CNTN4: variants seen among roughly 807,000 people sequenced by gnomAD.
CNTN4 encodes contactin-4.
In CNTN4, 77 loss-of-function variants were observed where a neutral mutation model predicts 122.5. That is an observed-to-expected ratio of 0.63 (90% confidence interval 0.52 to 0.76). The LOEUF (loss-of-function observed/expected upper bound fraction) is 0.76, where lower values mean the gene tolerates loss of function less well. Among genes scored for constraint, CNTN4 ranks in the 30% least tolerant of loss-of-function variants. The pLI, the probability that CNTN4 is intolerant of heterozygous loss-of-function variation, is 0.00. For synonymous variants in CNTN4, 512 were observed against 447.0 expected (o/e 1.15, Z -1.83); for missense variants, 1,256 against 1,259.1 (o/e 1.00, Z 0.04).
At chr3:2,620,580 A>T (rs976558429) in intron 4 of CNTN4, among the ~76,000 whole-genome samples, 2 of 152,172 alleles carry the variant, frequency 1.3e-5, no homozygotes, top group African/African-American at 2.4e-5. Flanking sequence ...TATTAGCCTC[A>T]TACCTTCATT....
At chr3:2,348,420 A>G (rs551134121) in intron 3 of CNTN4, among the ~76,000 whole-genome samples, 1 of 152,196 alleles carries the variant, frequency 6.6e-6, no homozygotes, top group African/African-American at 2.4e-5. Context: ...TTGGAAGACT[A>G]TGTCTCCTGT....
chr3:2,921,960 C>T (rs1251292353), intron 12 of CNTN4, among the ~76,000 whole-genome samples: 1 of 152,112 alleles, frequency 6.6e-6, no homozygotes, highest in Non-Finnish European at 1.5e-5. Flanking sequence ...CATAGATAAT[C>T]TAATAAAGAT....
intron 2 of CNTN4, among the ~76,000 whole-genome samples, chr3:2,135,145 A>T (rs1374997417): frequency 2.0e-5 from 3 of 152,270 alleles, no homozygotes; most frequent in East Asian, 1.9e-4. Context: ...ATTGAAAAGG[A>T]TGTGGCAGGG....
At chr3:2,300,587 T>G (rs2150066088) in intron 2 of CNTN4, among the ~76,000 whole-genome samples, 1 of 144,720 alleles carries the variant, frequency 6.9e-6, no homozygotes, top group South Asian at 2.2e-4. Context: ...TTTTTTTTTT[T>G]TTTGAGATGG....
At chr3:2,204,051 A>G (rs1333225312) in intron 2 of CNTN4, among the ~76,000 whole-genome samples, 2 of 152,182 alleles carry the variant, frequency 1.3e-5, no homozygotes, top group Non-Finnish European at 2.9e-5. Flanking sequence ...GTCATAAACA[A>G]TTGTAACATT....
chr3:2,751,068 G>T (rs1022944357), intron 6 of CNTN4, among the ~76,000 whole-genome samples: 1 of 152,104 alleles, frequency 6.6e-6, no homozygotes, highest in African/African-American at 2.4e-5. Context: ...TTGGGAGGCC[G>T]AGGCGAGTGG....
Position 2,909,559 on chromosome 3 carries a change from G to A in CNTN4, c.1207+6554G>A, listed in dbSNP as rs528343004. Among the ~76,000 whole-genome samples, 3 of 152,026 alleles carry A rather than the reference G, an allele frequency of 2.0e-5. No individual in the cohort carries two copies. The East Asian group carries it at 5.8e-4, about 29-fold the overall frequency. On this transcript the variant is annotated intron_variant, in intron 12 of 24. Coordinates refer to ENST00000418658, the MANE Select transcript of CNTN4 (RefSeq NM_175607.3). Reference sequence around the variant, plus strand: ...TGGGGAACTCTTTACTATCCTGATGGCATACCATACTCGTTATCAACTAAT... The same window carrying A: ...TGGGGAACTCTTTACTATCCTGATGACATACCATACTCGTTATCAACTAAT...
At chr3:2,396,644 T>C (rs1575545254) in intron 3 of CNTN4, among the ~76,000 whole-genome samples, 1 of 150,094 alleles carries the variant, frequency 6.7e-6, no homozygotes, top group Admixed American at 6.7e-5. Flanking sequence ...AAAACTCAAG[T>C]GTTATGTCTG....
chr3:3,050,150 G>A (rs932580075), intron 23 of CNTN4, among the ~76,000 whole-genome samples: 1 of 152,144 alleles, frequency 6.6e-6, no homozygotes, highest in African/African-American at 2.4e-5. Context: ...CAGTTAAAAT[G>A]GCGAATTTCA....
chr3:2,290,749 G>C (rs1440581771), intron 2 of CNTN4, among the ~76,000 whole-genome samples: 2 of 152,186 alleles, frequency 1.3e-5, no homozygotes, highest in Admixed American at 1.3e-4. Flanking sequence ...AGATCATTGA[G>C]TATATACTGC....
intron 3 of CNTN4, among the ~76,000 whole-genome samples, chr3:2,384,593 G>T (rs147166764): frequency 7.6e-4 from 115 of 152,242 alleles, no homozygotes; most frequent in African/African-American, 2.6e-3. Context: ...AATTGCAAAT[G>T]CCCAGCTAAA....
intron 12 of CNTN4, among the ~76,000 whole-genome samples, chr3:2,903,426 G>T (rs1252154309): frequency 1.3e-5 from 2 of 152,190 alleles, no homozygotes; most frequent in Non-Finnish European, 2.9e-5. Flanking sequence ...TTTCCAGACT[G>T]TGCATTAATG....
At chr3:2,748,758 G>C (rs996361990) in intron 6 of CNTN4, among the ~76,000 whole-genome samples, 1 of 152,128 alleles carries the variant, frequency 6.6e-6, no homozygotes, top group African/African-American at 2.4e-5. Context: ...ATCGTCTTGA[G>C]CCTTTCCTTA....
chr3:3,043,200 C>A (rs768149903), intron 22 of CNTN4, 37 bp downstream of exon 22: 1 of 1,589,340 alleles, frequency 6.3e-7, no homozygotes, highest in East Asian at 2.2e-5. Context: ...TTTGGGGATT[C>A]ATCACACATA....
chr3:2,753,021 T>C (rs1174028496), intron 6 of CNTN4, among the ~76,000 whole-genome samples: 2 of 152,190 alleles, frequency 1.3e-5, no homozygotes, highest in African/African-American at 4.8e-5. Context: ...CATTCATCCA[T>C]TGATGGGCAC....
At chr3:2,909,821 G>T (rs2094279979) in intron 12 of CNTN4, among the ~76,000 whole-genome samples, 1 of 152,110 alleles carries the variant, frequency 6.6e-6, no homozygotes, top group Non-Finnish European at 1.5e-5. Context: ...CTCTAGAGTG[G>T]GGCCTGGGAA....
In CNTN4 at chr3:2,151,857, T is replaced by C. The variant is rs145792500; in HGVS notation, c.-145+51218T>C. ...CAAGAAGGCCCTCACCAGATGTGGC[T>C]TCTTTATTTTGGACTTCTCAGCCTT... On this transcript the variant is annotated intron_variant, in intron 2 of 24. Transcript: ENST00000418658. Among the ~76,000 whole-genome samples, 241 of 152,346 alleles carry C rather than the reference T, an allele frequency of 1.6e-3. 1 individual carries two copies. The highest frequency in any genetic ancestry group is 5.6e-3 in the African/African-American group (233 of 41,590).
At chr3:2,381,383 C>T (rs894134899) in intron 3 of CNTN4, among the ~76,000 whole-genome samples, 4 of 152,266 alleles carry the variant, frequency 2.6e-5, no homozygotes, top group African/African-American at 9.6e-5. Context: ...ACATTTCCCC[C>T]TTAGAACAAT....
chr3:2,828,793 T>A (rs1021862952), intron 7 of CNTN4, among the ~76,000 whole-genome samples: 1 of 152,106 alleles, frequency 6.6e-6, no homozygotes, highest in Non-Finnish European at 1.5e-5. Flanking sequence ...TAGTCTGGAG[T>A]GCAGTGGCAC....
Sources: gnomAD v4.1 joint callset for allele counts (sites outside exome capture counted in the v4.1 genomes callset) on GRCh38, gnomAD v4.1.1 for gene constraint, MANE v1.5 for transcripts, NCBI Gene and HGNC (gene_info 2026-07-23, HGNC 2026-07-21) for gene names.